Variants in IFT80 observed in about 807,000 individuals in gnomAD.
IFT80 encodes the protein intraflagellar transport 80.
Under a neutral mutation model 107.9 loss-of-function variants are expected in IFT80, and 79 were observed. That is an observed-to-expected ratio of 0.73 (90% CI 0.61 to 0.88). The LOEUF is 0.88. Among genes scored for constraint, IFT80 ranks in the 40% least tolerant of loss-of-function variants. The probability of loss-of-function intolerance (pLI) is 0.00; values close to 1 mark genes in which losing one functional copy is unlikely to be tolerated. For synonymous variants in IFT80, 299 were observed against 300.9 expected (o/e 0.99, Z 0.07); for missense variants, 797 against 914.2 (o/e 0.87, Z 1.65).
intron 18 of IFT80, chr3:160,268,842 G>T (rs1576726499): frequency 3.2e-6 from 1 of 314,880 alleles, no homozygotes; most frequent in South Asian, 3.5e-5. Flanking sequence ...ATTGTTATGA[G>T]TCTTTTTTCT....
intron 19 of IFT80, among the ~76,000 whole-genome samples, chr3:160,264,086 G>A (rs576084967): frequency 3.3e-5 from 5 of 151,894 alleles, no homozygotes; most frequent in African/African-American, 1.2e-4. Flanking sequence ...ACAGGCTTGA[G>A]CCACTGCGCA....
chr3:160,282,400 G>A, intron 14 of IFT80, 78 bp downstream of exon 14: 3 of 1,023,400 alleles, frequency 2.9e-6, no homozygotes, highest in Admixed American at 2.4e-5. Context: ...AACATTTCCA[G>A]ATTCATTCAA....
At chr3:160,292,520 CCCAGGCTGGAG>C (rs1469536710) in intron 12 of IFT80, among the ~76,000 whole-genome samples, 1 of 147,916 alleles carries the variant, frequency 6.8e-6, no homozygotes, top group Non-Finnish European at 1.5e-5. Flanking sequence ...CGCTCTGTCA[CCCAGGCTGGAG>C]TGCAGTGGCG....
intron 3 of IFT80, 183 bp from the exon 4 acceptor site, chr3:160,377,723 ATAAAT>A: frequency 2.2e-6 from 1 of 458,760 alleles, no homozygotes; most frequent in South Asian, 3.2e-5. Context: ...ATATTTTAAA[ATAAAT>A]TGAAAATGCA....
intron 6 of IFT80, among the ~76,000 whole-genome samples, chr3:160,358,722 A>G (rs1430848918): frequency 1.3e-5 from 2 of 152,228 alleles, no homozygotes; most frequent in Non-Finnish European, 2.9e-5. Context: ...TATGAATAAA[A>G]TATGATTTAA....
intron 18 of IFT80, 178 bp from the exon 19 acceptor site, chr3:160,268,714 A>C: frequency 1.7e-6 from 1 of 595,516 alleles, no homozygotes; most frequent in Non-Finnish European, 3.0e-6. Context: ...CAGGGCCCAG[A>C]TCAAACATGG....
At chr3:160,279,402 A>G (rs1714514622) in intron 15 of IFT80, 38 bp from the exon 16 acceptor site, 1 of 1,558,924 alleles carries the variant, frequency 6.4e-7, no homozygotes, top group Non-Finnish European at 8.8e-7. Context: ...TTAAAGTTGT[A>G]TTCTGAGCAA....
intron 5 of IFT80, among the ~76,000 whole-genome samples, chr3:160,366,965 C>T (rs1559963921): frequency 6.6e-6 from 1 of 152,008 alleles, no homozygotes; most frequent in Non-Finnish European, 1.5e-5. Context: ...TCCTTCTCTC[C>T]ATCTCCATGG....
intron 8 of IFT80, among the ~76,000 whole-genome samples, chr3:160,328,461 CAAAAAA>C (rs1236379581): frequency 2.1e-5 from 1 of 47,900 alleles, no homozygotes; most frequent in Admixed American, 2.5e-4. Context: ...GACTCCATCT[CAAAAAA>C]AAAAAAAAAA....
intron 11 of IFT80, among the ~76,000 whole-genome samples, chr3:160,302,374 T>C (rs1271444128): frequency 6.6e-6 from 1 of 152,130 alleles, no homozygotes; most frequent in African/African-American, 2.4e-5. Flanking sequence ...TGTATGGTCA[T>C]ACATATTGGT....
intron 8 of IFT80, among the ~76,000 whole-genome samples, chr3:160,322,493 T>C (rs1436468136): frequency 1.3e-5 from 2 of 151,994 alleles, no homozygotes; most frequent in South Asian, 2.1e-4. Context: ...CTACAATCAA[T>C]ATACGTGTGC....
chr3:160,326,459 T>C (rs1224610067), intron 8 of IFT80, among the ~76,000 whole-genome samples: 1 of 152,014 alleles, frequency 6.6e-6, no homozygotes, highest in Non-Finnish European at 1.5e-5. Flanking sequence ...CAGTAGCACA[T>C]CAAAAAGCTT....
intron 12 of IFT80, among the ~76,000 whole-genome samples, chr3:160,298,468 AATTG>A (rs1716161203): frequency 6.6e-6 from 1 of 152,218 alleles, no homozygotes; most frequent in Non-Finnish European, 1.5e-5. Flanking sequence ...ACAGATACTT[AATTG>A]GCATATAAAT....
intron 18 of IFT80, 38 bp downstream of exon 18, chr3:160,277,268 A>C: frequency 6.3e-7 from 1 of 1,577,402 alleles, no homozygotes; most frequent in Non-Finnish European, 8.7e-7. Flanking sequence ...CATTAAGGTC[A>C]AACAGATTTT....
At chr3:160,329,806 A>G (rs1201885462) in intron 8 of IFT80, among the ~76,000 whole-genome samples, 1 of 149,496 alleles carries the variant, frequency 6.7e-6, no homozygotes, top group East Asian at 1.9e-4. Context: ...TAAAGTTTGT[A>G]TTAAATAAAA....
rs543686111 is a variant in IFT80 at position 160,350,723 on chromosome 3, G to A, written c.777+5290C>T. Among the ~76,000 whole-genome samples, 10 of 151,152 alleles carry A rather than the reference G, an allele frequency of 6.6e-5. No individual in the cohort carries two copies. The South Asian group carries it at 2.1e-3, about 32-fold the overall frequency. ...CCAGTTACTTGTGAGGCTGGAGCAG[G>A]AGAATCGCTTGAATCCAGGAGGTGG... On this transcript the variant is annotated intron_variant, in intron 8 of 19. Coordinates refer to ENST00000326448, the MANE Select transcript of IFT80 (RefSeq NM_020800.3).
intron 18 of IFT80, among the ~76,000 whole-genome samples, chr3:160,270,899 T>C (rs1375709599): frequency 1.3e-5 from 2 of 152,172 alleles, no homozygotes; most frequent in Non-Finnish European, 2.9e-5. Context: ...AAACTGAAAG[T>C]ATTCTCAATG....
intron 8 of IFT80, among the ~76,000 whole-genome samples, chr3:160,337,723 T>C (rs1002403282): frequency 4.6e-5 from 7 of 152,204 alleles, no homozygotes; most frequent in African/African-American, 1.4e-4. Context: ...ACATAAAATG[T>C]TGCTATCAAA....
chr3:160,273,512 T>C (rs147777424), intron 18 of IFT80, among the ~76,000 whole-genome samples: 52 of 152,202 alleles, frequency 3.4e-4, no homozygotes, highest in Admixed American at 1.7e-3. Context: ...TGGTTGATAA[T>C]AGGGAGGGCG....
Sources: gnomAD v4.1 joint callset for allele counts (sites outside exome capture counted in the v4.1 genomes callset) on GRCh38, gnomAD v4.1.1 for gene constraint, MANE v1.5 for transcripts, NCBI Gene and HGNC (gene_info 2026-07-23, HGNC 2026-07-21) for gene names.